Variants in NEMF observed in about 807,000 individuals in gnomAD.
The protein encoded by NEMF is ribosome quality control complex subunit NEMF.
A neutral mutation model predicts 162.2 loss-of-function variants in NEMF; 89 were observed. The observed-to-expected ratio is 0.55, with a 90% CI of 0.46 to 0.65. NEMF has a LOEUF of 0.65. NEMF is among the 30% of genes least tolerant of loss of function. The pLI, the probability that NEMF is intolerant of heterozygous loss-of-function variation, is 0.00. For synonymous variants in NEMF, 421 were observed against 404.5 expected (o/e 1.04, Z -0.49); for missense variants, 1,133 against 1,261.9 (o/e 0.90, Z 1.55).
chr14:49,791,476 C>T (rs1419512875), intron 26 of NEMF, among the ~76,000 whole-genome samples: 2 of 151,812 alleles, frequency 1.3e-5, no homozygotes, highest in East Asian at 3.9e-4. Context: ...TGGTGGCTCA[C>T]GCCTGTAATC....
intron 5 of NEMF, among the ~76,000 whole-genome samples, chr14:49,838,908 C>T (rs1383699270): frequency 6.6e-6 from 1 of 151,622 alleles, no homozygotes; most frequent in Non-Finnish European, 1.5e-5. Context: ...TTTAACAATG[C>T]TGTACATCAA....
At chr14:49,822,736 G>C (rs896888301) in intron 16 of NEMF, among the ~76,000 whole-genome samples, 1 of 149,962 alleles carries the variant, frequency 6.7e-6, no homozygotes, top group African/African-American at 2.5e-5. Context: ...ATGCACTGCA[G>C]GGATGAAAAG....
At chr14:49,798,662 A>C (rs1004598741) in intron 25 of NEMF, among the ~76,000 whole-genome samples, 1 of 152,186 alleles carries the variant, frequency 6.6e-6, no homozygotes, top group Admixed American at 6.5e-5. Flanking sequence ...TAATCCCAGC[A>C]CTTTCGGAGG....
Position 49,815,760 on chromosome 14 carries a change from C to T in NEMF, c.1578-903G>A, listed in dbSNP as rs368974909. On this transcript the variant is annotated intron_variant, in intron 16 of 32. Coordinates refer to ENST00000298310, the MANE Select transcript of NEMF (RefSeq NM_004713.6). Reference sequence around the variant, plus strand: ...TGGGCGGATCACGAGCTCAGGAGATCGAGACCATCCCGGTTAACATGGTGA... The same window carrying T: ...TGGGCGGATCACGAGCTCAGGAGATTGAGACCATCCCGGTTAACATGGTGA... Among the ~76,000 whole-genome samples the T allele has an allele frequency of 5.1e-4, 77 of 152,098 alleles. No individual in the cohort carries two copies. In the South Asian group the frequency reaches 0.015, roughly 29 times the overall value.
At chr14:49,828,956 G>T in intron 13 of NEMF, 98 bp downstream of exon 13, 2 of 1,373,036 alleles carry the variant, frequency 1.5e-6, no homozygotes, top group African/African-American at 1.5e-5. Context: ...CTTTCTTTGA[G>T]AATTTCAAAA....
Position 49,806,115 on chromosome 14 carries a change from C to T in NEMF, c.1763G>A (p.Arg588Gln), listed in dbSNP as rs764224132. 6 of 1,611,078 alleles carry T rather than the reference C, an allele frequency of 3.7e-6. No individual in the cohort carries two copies. Among genetic ancestry groups the T allele is most frequent in the South Asian group, 1.1e-5 (1 of 90,922 alleles). Residue 588 changes from arginine (R) to glutamine (Q), a missense_variant, in exon 19 of 33, where the codon CGG becomes CAG. By Grantham distance (43) the Arg-to-Gln change is conservative. This residue lies in a region of NEMF where 532 missense variants were observed against 578.6 expected (regional missense o/e 0.92). Transcript: ENST00000298310. ...KNPTGEPIPP[R>Q]TLTEAGTMAL... ...CATTGTGCCAGCTTCAGTCAAGGTC[C>T]GTGGGGGGATGGGTTCTCCTAGAAT...
In NEMF at chr14:49,782,454, A is replaced by G. The variant is rs1889950196; in HGVS notation, c.*2182T>C. On this transcript the variant is annotated 3_prime_UTR_variant, in exon 33 of 33. Transcript: ENST00000298310. ...CCAACAACTTGCTTGTCCATCACAG[A>G]GCTGTAAGTATACTACCTTCACATT... The G allele has an allele frequency of 6.2e-7, 1 of 1,609,976 alleles. No individual in the cohort carries two copies. Among genetic ancestry groups the G allele is most frequent in the Non-Finnish European group, 8.5e-7 (1 of 1,176,760 alleles).
intron 18 of NEMF, among the ~76,000 whole-genome samples, chr14:49,813,242 G>A (rs1891562352): frequency 6.6e-6 from 1 of 152,182 alleles, no homozygotes; most frequent in Admixed American, 6.5e-5. Flanking sequence ...GAGTTTGCTA[G>A]AAACGTTTTG....
At chr14:49,788,789 C>A (rs1421010442) in intron 28 of NEMF, among the ~76,000 whole-genome samples, 1 of 152,074 alleles carries the variant, frequency 6.6e-6, no homozygotes, top group Non-Finnish European at 1.5e-5. Flanking sequence ...AATCTCCTGA[C>A]CTTGTGATCT....
At position 49,831,196 on chromosome 14, in the gene NEMF, C is replaced by G. The variant is rs906125558; in HGVS notation, c.945+103G>C. The G allele has an allele frequency of 7.4e-6, 5 of 676,752 alleles. No homozygotes were observed. The African/African-American group carries it at 9.1e-5, about 12-fold the overall frequency. The allele number at this position is 676,752 out of a possible 1,614,324, so 41.9% of individuals were successfully genotyped here. Reference sequence around the variant, plus strand: ...AGAGGCAGGTCAGAGAGTTCCCATACTACTTCTTACACTCTTTCTGAAAGG... The same window carrying G: ...AGAGGCAGGTCAGAGAGTTCCCATAGTACTTCTTACACTCTTTCTGAAAGG... On this transcript the variant is annotated intron_variant, in intron 11 of 32. Coordinates refer to ENST00000298310, the MANE Select transcript of NEMF (RefSeq NM_004713.6).
chr14:49,828,234 T>C, intron 15 of NEMF, 57 bp downstream of exon 15: 3 of 1,096,730 alleles, frequency 2.7e-6, no homozygotes, highest in Non-Finnish European at 4.2e-6. Context: ...AATAATTATG[T>C]CCATTAAATT....
intron 16 of NEMF, among the ~76,000 whole-genome samples, chr14:49,818,853 T>C (rs1284288034): frequency 6.6e-6 from 1 of 152,124 alleles, no homozygotes; most frequent in African/African-American, 2.4e-5. Flanking sequence ...GAAATGAGAC[T>C]AGCTCAAGGG....
rs1482008131 is a variant in NEMF at position 49,783,028 on chromosome 14, T to C, written c.*1608A>G. 8.2e-6 allele frequency: 12 copies of C among 1,462,736 alleles called. No homozygotes were observed. The highest frequency in any genetic ancestry group is 1.4e-5 in the African/African-American group (1 of 71,044). 90.6% of individuals were successfully genotyped at this position (1,462,736 alleles called of 1,614,324 possible). A position where few individuals can be genotyped will look rare whatever the true frequency, so the allele number is the denominator to read the frequency against. On this transcript the variant is annotated 3_prime_UTR_variant, in exon 33 of 33. Coordinates refer to ENST00000298310, the MANE Select transcript of NEMF (RefSeq NM_004713.6). ...AAACATCACAGAGTGGCATCATTTG[T>C]ATAATTATATGCATTGTTGTAGTTT...
chr14:49,802,449 C>G lies in NEMF; in HGVS notation c.2095+4G>C, dbSNP rs375685326. Reference sequence around the variant, plus strand: ...AAGCTAATTTCTTAAAATCTATAAACTACCTAATTGTTCCATTTCTTCTGA... The same window carrying G: ...AAGCTAATTTCTTAAAATCTATAAAGTACCTAATTGTTCCATTTCTTCTGA... On this transcript the variant is annotated splice_donor_region_variant and intron_variant, in intron 22 of 32. Coordinates refer to ENST00000298310, the MANE Select transcript of NEMF (RefSeq NM_004713.6). 3.7e-6 allele frequency: 6 copies of G among 1,611,366 alleles called. No individual in the cohort carries two copies. In the African/African-American group the frequency reaches 6.7e-5, roughly 18 times the overall value.
chr14:49,826,850 C>G (rs58966271), intron 15 of NEMF, among the ~76,000 whole-genome samples: 3,109 of 152,168 alleles, frequency 0.02, 94 homozygotes, highest in African/African-American at 0.069. Context: ...AAGAGAGATT[C>G]AGGGTGGTAC....
chr14:49,812,544 AT>A (rs771810377), intron 18 of NEMF, among the ~76,000 whole-genome samples: 51 of 152,254 alleles, frequency 3.3e-4, no homozygotes, highest in Non-Finnish European at 6.9e-4. Context: ...ATAGCTATAA[AT>A]TACCCCCTAA....
At chr14:49,802,248 T>G (rs1890989762) in intron 22 of NEMF, among the ~76,000 whole-genome samples, 1 of 151,752 alleles carries the variant, frequency 6.6e-6, no homozygotes, top group Non-Finnish European at 1.5e-5. Context: ...ATGCCCGGAC[T>G]GATAAATACT....
intron 5 of NEMF, chr14:49,839,698 A>G (rs915505438): frequency 2.0e-5 from 3 of 152,176 alleles, no homozygotes; most frequent in Admixed American, 6.5e-5. Flanking sequence ...ATTTGAAGTA[A>G]CCCAAAACTT....
chr14:49,795,737 A>T, intron 26 of NEMF, 54 bp downstream of exon 26: 3 of 1,514,784 alleles, frequency 2.0e-6, no homozygotes, highest in Non-Finnish European at 2.7e-6. Context: ...TTAAAAAATT[A>T]AAAAGGAACC....
Sources: gnomAD v4.1 joint callset for allele counts (sites outside exome capture counted in the v4.1 genomes callset) on GRCh38, gnomAD v4.1.1 for gene constraint, gnomAD v4.1.1 regional missense constraint, MANE v1.5 for transcripts, NCBI Gene and HGNC (gene_info 2026-07-23, HGNC 2026-07-21) for gene names.